Variants in MRPS23 observed in about 807,000 individuals in gnomAD.
MRPS23 encodes mitochondrial ribosomal protein S23.
Under a neutral mutation model 19.8 loss-of-function variants are expected in MRPS23, and 14 were observed. The observed-to-expected ratio is 0.71, with a 90% confidence interval of 0.47 to 1.11. The LOEUF (loss-of-function observed/expected upper bound fraction) is 1.11. MRPS23 is among the 50% of genes least tolerant of loss of function. The pLI is 0.00. For missense variants in MRPS23, 242 were observed against 236.7 expected (o/e 1.02, Z -0.15); for synonymous variants, 113 against 89.7 (o/e 1.26, Z -1.47).
intron 1 of MRPS23, 122 bp downstream of exon 1, chr17:57,849,845 C>G: frequency 8.3e-7 from 1 of 1,199,908 alleles, no homozygotes; most frequent in Non-Finnish European, 1.1e-6. Flanking sequence ...TCACCCAGCT[C>G]AGCCCCCGCA....
At position 57,839,800 on chromosome 17, in the gene MRPS23, C is replaced by CT. The variant is rs759767494; in HGVS notation, c.555dup (p.Gly186ArgfsTer23). The CT allele has an allele frequency of 8.1e-6, 13 of 1,613,990 alleles. No individual in the cohort carries two copies. The highest frequency in any genetic ancestry group is 1.1e-5 in the Non-Finnish European group (13 of 1,180,004). On this transcript the variant is annotated frameshift_variant, in exon 5 of 5. Transcript: ENST00000313608. LOFTEE classifies it high-confidence loss of function. ...CAGGTCCTTCAGGGAGGCAAGAGAC[C>CT]TTTCGACTGGTCTGCAGGTGCCTCC...
chr17:57,849,458 A>C, intron 1 of MRPS23, 48 bp from the exon 2 acceptor site: 1 of 1,598,340 alleles, frequency 6.3e-7, no homozygotes, highest in Non-Finnish European at 8.5e-7. Flanking sequence ...GTAGCCTGCC[A>C]AAGCCCCTGA....
rs1345382241 is a variant in MRPS23, at chr17:57,838,851, T to C, written c.*932A>G. On this transcript the variant is annotated 3_prime_UTR_variant, in exon 5 of 5. Transcript: ENST00000313608. The stretch of plus-strand genomic sequence containing the variant: ...TAGAAAATCTACATGAGTTTTAAAA[T>C]AGGGAATTTCTGAAGCAGCTTACTA... 2.0e-5 allele frequency: 3 copies of C among 152,172 alleles called. No individual in the cohort carries two copies. Among genetic ancestry groups the C allele is most frequent in the Non-Finnish European group, 4.4e-5 (3 of 68,030 alleles). 9.4% of individuals were successfully genotyped at this position (152,172 alleles called of 1,614,324 possible).
intron 2 of MRPS23, among the ~76,000 whole-genome samples, chr17:57,842,891 T>TACACACACACACACACACAC (rs35501487): frequency 5.2e-5 from 4 of 76,606 alleles, no homozygotes; most frequent in African/African-American, 2.0e-4. Context: ...TATATATATA[T>TACACACACACACACACACAC]ACACACACAC....
At position 57,849,382 on chromosome 17, in the gene MRPS23, G is replaced by A. The variant is rs2073797441; in HGVS notation, c.73C>T (p.Leu25=). The A allele has an allele frequency of 1.2e-6, 2 of 1,614,086 alleles. No individual in the cohort carries two copies. Among genetic ancestry groups the A allele is most frequent in the Non-Finnish European group, 1.7e-6 (2 of 1,180,040 alleles). ...TCAAACCACAGGGGCTTCTCCTTCAGCACCCCGGCCCGAACCAGGTCCCGA... is the reference window on the plus strand; with the variant it reads ...TCAAACCACAGGGGCTTCTCCTTCAACACCCCGGCCCGAACCAGGTCCCGA... The part of the protein sequence containing the change: ...RTRDLVRAGV[L]KEKPLWFDVY... Residue 25 remains leucine (L), a synonymous_variant, in exon 2 of 5, where the codon CTG becomes TTG. Transcript: ENST00000313608.
In MRPS23 at chr17:57,838,289, C is replaced by CAAAAAAAAAA. The variant is rs59289595; in HGVS notation, c.*1484_*1493dup. The CAAAAAAAAAA allele has an allele frequency of 2.7e-3, 80 of 29,420 alleles. 4 individuals are homozygous for CAAAAAAAAAA. Among genetic ancestry groups the CAAAAAAAAAA allele is most frequent in the Middle Eastern group, 0.029 (1 of 34 alleles). The allele number at this position is 29,420 out of a possible 1,614,324, so 1.8% of individuals were successfully genotyped here. On this transcript the variant is annotated 3_prime_UTR_variant, in exon 5 of 5. Coordinates refer to ENST00000313608, the MANE Select transcript of MRPS23 (RefSeq NM_016070.4). The stretch of plus-strand genomic sequence containing the variant: ...TGGGAAACAAAGTGATACTCCATCG[C>CAAAAAAAAAA]AAAAAAAAAAAAAAAAAAAAAAAAA...
At chr17:57,840,781 G>A (rs914594375) in intron 4 of MRPS23, 145 bp downstream of exon 4, 7 of 968,998 alleles carry the variant, frequency 7.2e-6, no homozygotes, top group African/African-American at 3.3e-5. Context: ...ATATGTGTAG[G>A]TTATATGCAA....
chr17:57,842,889 TATACACACACACACAC>T (rs1445552662), intron 2 of MRPS23, among the ~76,000 whole-genome samples: 21 of 98,434 alleles, frequency 2.1e-4, no homozygotes, highest in South Asian at 1.6e-3. Flanking sequence ...AATATATATA[TATACACACACACACAC>T]ACACACACAC....
At chr17:57,843,728 T>C (rs2073754944) in intron 2 of MRPS23, among the ~76,000 whole-genome samples, 1 of 152,186 alleles carries the variant, frequency 6.6e-6, no homozygotes. Context: ...TCAGACTTCC[T>C]AGCCTCCAGA....
intron 2 of MRPS23, among the ~76,000 whole-genome samples, chr17:57,847,445 G>C (rs1006304884): frequency 6.6e-6 from 1 of 151,958 alleles, no homozygotes; most frequent in Non-Finnish European, 1.5e-5. Context: ...GGCGGATCAC[G>C]AGGTCAGGAG....
In MRPS23 at chr17:57,840,924, AC is replaced by A; in HGVS notation, c.420+1del. The A allele has an allele frequency of 6.2e-7, 1 of 1,614,076 alleles. No individual in the cohort carries two copies. The highest frequency in any genetic ancestry group is 8.5e-7 in the Non-Finnish European group (1 of 1,179,984). On this transcript the variant is annotated splice_donor_variant, in intron 4 of 4. Coordinates refer to ENST00000313608, the MANE Select transcript of MRPS23 (RefSeq NM_016070.4). LOFTEE classifies it high-confidence loss of function. ...TAACAATTTTAACAATGAAATACTC[AC>A]AGTCCTTGCTTCGCCTACTCGTCTT...
rs972996463 is a variant in MRPS23, at chr17:57,836,042, C to T, written c.*3741G>A. On this transcript the variant is annotated 3_prime_UTR_variant, in exon 5 of 5. Transcript: ENST00000313608. The stretch of plus-strand genomic sequence containing the variant: ...TGATCTCAGCTCACTGTAACCTCCA[C>T]CTCCTGGGTTCAAGCGATTCTCCTG... The T allele has an allele frequency of 4.6e-5, 7 of 151,566 alleles. No individual in the cohort carries two copies. The highest frequency in any genetic ancestry group is 1.3e-4 in the Admixed American group (2 of 15,162). The allele number at this position is 151,566 out of a possible 1,614,324, so 9.4% of individuals were successfully genotyped here. A position where few individuals can be genotyped will look rare whatever the true frequency, so the allele number is the denominator to read the frequency against.
chr17:57,841,940 C>T (rs2073742699), intron 2 of MRPS23, among the ~76,000 whole-genome samples: 1 of 152,116 alleles, frequency 6.6e-6, no homozygotes, highest in South Asian at 2.1e-4. Context: ...GAATGAGACT[C>T]CGTCTCAAAA....
chr17:57,848,998 GA>G (rs2073794209), intron 2 of MRPS23: 2 of 530,960 alleles, frequency 3.8e-6, no homozygotes, highest in African/African-American at 1.9e-5. Context: ...GCCCAAAGCA[GA>G]TGCCCAGAAA....
At chr17:57,840,765 G>T in intron 4 of MRPS23, 161 bp downstream of exon 4, 1 of 722,610 alleles carries the variant, frequency 1.4e-6, no homozygotes, top group Non-Finnish European at 2.2e-6. Flanking sequence ...TAAAGTATAT[G>T]GGAGGATATG....
At chr17:57,847,381 G>C (rs2073783159) in intron 2 of MRPS23, among the ~76,000 whole-genome samples, 1 of 151,680 alleles carries the variant, frequency 6.6e-6, no homozygotes, top group Non-Finnish European at 1.5e-5. Flanking sequence ...AGAATAAAGA[G>C]GCCGGGCGCG....
Position 57,839,756 on chromosome 17 carries a change from T to A in MRPS23, c.*27A>T. 1 of 1,562,720 alleles carries A rather than the reference T, an allele frequency of 6.4e-7. No individual in the cohort carries two copies. Among genetic ancestry groups the A allele is most frequent in the Non-Finnish European group, 8.8e-7 (1 of 1,137,314 alleles). Reference sequence around the variant, plus strand: ...ATTCAGCCAGTGAGTAGAGTGTGAATGCCAGCATACACAGTATACAGGTCC... The same window carrying A: ...ATTCAGCCAGTGAGTAGAGTGTGAAAGCCAGCATACACAGTATACAGGTCC... On this transcript the variant is annotated 3_prime_UTR_variant, in exon 5 of 5. Transcript: ENST00000313608.
rs2073722399 is a variant in MRPS23 at position 57,838,745 on chromosome 17, G to A, written c.*1038C>T. The A allele has an allele frequency of 6.6e-6, 1 of 152,256 alleles. No homozygotes were observed. Among genetic ancestry groups the A allele is most frequent in the Admixed American group, 6.5e-5 (1 of 15,280 alleles). The allele number at this position is 152,256 out of a possible 1,614,324, so 9.4% of individuals were successfully genotyped here. On this transcript the variant is annotated 3_prime_UTR_variant, in exon 5 of 5. Transcript: ENST00000313608. ...ACCAAGCACCCACGTGCATGGATGTGTACTATATACAGACTGTGAGATGTG... is the reference window on the plus strand; with the variant it reads ...ACCAAGCACCCACGTGCATGGATGTATACTATATACAGACTGTGAGATGTG...
In MRPS23 at chr17:57,836,870, G is replaced by A. The variant is rs11655267; in HGVS notation, c.*2913C>T. The A allele has an allele frequency of 0.21, 31,387 of 152,034 alleles. 3,472 individuals are homozygous for A. Among genetic ancestry groups the A allele is most frequent in the Non-Finnish European group, 0.25 (16,991 of 67,990 alleles). 9.4% of individuals were successfully genotyped at this position (152,034 alleles called of 1,614,324 possible). ...TTTTTTGTATTTTTAGTAAAGATGG[G>A]GTTTCACTATGTTGGCCAGGCTGGT... On this transcript the variant is annotated 3_prime_UTR_variant, in exon 5 of 5. Coordinates refer to ENST00000313608, the MANE Select transcript of MRPS23 (RefSeq NM_016070.4).
Sources: gnomAD v4.1 joint callset for allele counts (sites outside exome capture counted in the v4.1 genomes callset) on GRCh38, gnomAD v4.1.1 for gene constraint, MANE v1.5 for transcripts, NCBI Gene and HGNC (gene_info 2026-07-23, HGNC 2026-07-21) for gene names.